KCNQ1: variants seen among roughly 807,000 people sequenced by gnomAD.
KCNQ1 encodes potassium voltage-gated channel subfamily KQT member 1.
KCNQ1 carries 49 observed loss-of-function variants against 72.4 expected under a neutral mutation model. That is an observed-to-expected ratio of 0.68 (90% CI 0.54 to 0.86). KCNQ1 has a LOEUF of 0.86. Among genes scored for constraint, KCNQ1 ranks in the 40% least tolerant of loss-of-function variants. KCNQ1 has a pLI of 0.00. For synonymous variants in KCNQ1, 450 were observed against 412.6 expected (o/e 1.09, Z -1.10); for missense variants, 790 against 945.1 (o/e 0.84, Z 2.15).
intron 6 of KCNQ1, among the ~76,000 whole-genome samples, chr11:2,581,509 C>A (rs1019165511): frequency 6.6e-6 from 1 of 152,236 alleles, no homozygotes; most frequent in African/African-American, 2.4e-5. Context: ...CCAGGGCCCC[C>A]CTCTCTGCCA....
chr11:2,835,606 C>G (rs1176566781), intron 15 of KCNQ1, among the ~76,000 whole-genome samples: 3 of 152,232 alleles, frequency 2.0e-5, no homozygotes, highest in African/African-American at 7.2e-5. Context: ...AGCTGACCCC[C>G]TGCCGTGGCA....
chr11:2,666,832 G>A lies in KCNQ1; in HGVS notation c.1514+4751G>A, dbSNP rs1389207502. The A allele has an allele frequency of 1.5e-4, 59 of 398,714 alleles. No individual in the cohort carries two copies. The East Asian group carries it at 2.1e-3, about 14-fold the overall frequency. 24.7% of individuals were successfully genotyped at this position (398,714 alleles called of 1,614,324 possible). The stretch of plus-strand genomic sequence containing the variant: ...GGAAAGGACAGAAAGGACATTCTGG[G>A]AACCAGTGTCCAGAAGGATGAGTGA... On this transcript the variant is annotated intron_variant, in intron 11 of 15. Coordinates refer to ENST00000155840, the MANE Select transcript of KCNQ1 (RefSeq NM_000218.3).
At position 2,661,154 on chromosome 11, in the gene KCNQ1, G is replaced by A; in HGVS notation, c.1394-807G>A. ...GAGAGGGTGGGCTAGGGATCTAGTT[G>A]GCAGTTAACACTGATGACCTTGGGG... On this transcript the variant is annotated intron_variant, in intron 10 of 15. Coordinates refer to ENST00000155840, the MANE Select transcript of KCNQ1 (RefSeq NM_000218.3). This position sits in a 1 kb window ranked among gnomAD's most constrained non-coding sequence, Gnocchi z 5.9. 1 of 398,548 alleles carries A rather than the reference G, an allele frequency of 2.5e-6. No homozygotes were observed. The allele number at this position is 398,548 out of a possible 1,614,324, so 24.7% of individuals were successfully genotyped here.
In KCNQ1 at chr11:2,608,090, T is replaced by C. The variant is rs752643513; in HGVS notation, c.1393+19236T>C. 4.3e-4 allele frequency among the ~76,000 whole-genome samples: 66 copies of C among 152,230 alleles called. No individual in the cohort carries two copies. Among genetic ancestry groups the C allele is most frequent in the Non-Finnish European group, 7.3e-4 (50 of 68,032 alleles). ...ATAAATTTTATAAGTTCTCTTTTCATGTTTTTGTCTGGTTTTGGTGTCAGG... is the reference window on the plus strand; with the variant it reads ...ATAAATTTTATAAGTTCTCTTTTCACGTTTTTGTCTGGTTTTGGTGTCAGG... On this transcript the variant is annotated intron_variant, in intron 10 of 15. Coordinates refer to ENST00000155840, the MANE Select transcript of KCNQ1 (RefSeq NM_000218.3). This position sits in a 1 kb window ranked among gnomAD's most constrained non-coding sequence, Gnocchi z 4.6.
At chr11:2,721,614 C>T (rs538301074) in intron 11 of KCNQ1, among the ~76,000 whole-genome samples, 3 of 152,268 alleles carry the variant, frequency 2.0e-5, no homozygotes, top group East Asian at 1.9e-4. Context: ...GGAGGCCTCG[C>T]GTAGAGTTGG....
chr11:2,680,083 G>A, intron 11 of KCNQ1: 1 of 395,788 alleles, frequency 2.5e-6, no homozygotes, highest in Non-Finnish European at 4.4e-6. Flanking sequence ...TTAGAGACAG[G>A]GTTTCACCAT....
In KCNQ1 at chr11:2,682,075, G is replaced by A; in HGVS notation, c.1514+19994G>A. ...AATCTCCTAAGGGTTGAGGGATTGA[G>A]TCTAGGGCCCAGGGTCACAAAGCTA... On this transcript the variant is annotated intron_variant, in intron 11 of 15. Transcript: ENST00000155840. The surrounding 1 kb of genome is among the most constrained non-coding windows in gnomAD (Gnocchi z 5.8). 1 of 398,634 alleles carries A rather than the reference G, an allele frequency of 2.5e-6. No homozygotes were observed. The highest frequency in any genetic ancestry group is 4.4e-6 in the Non-Finnish European group (1 of 226,088). The allele number at this position is 398,634 out of a possible 1,614,324, so 24.7% of individuals were successfully genotyped here. A position where few individuals can be genotyped will look rare whatever the true frequency, so the allele number is the denominator to read the frequency against.
At chr11:2,841,440 G>A (rs1381028738) in intron 15 of KCNQ1, among the ~76,000 whole-genome samples, 1 of 152,172 alleles carries the variant, frequency 6.6e-6, no homozygotes, top group Non-Finnish European at 1.5e-5. Flanking sequence ...TGACAGTCCA[G>A]GCAGAAGATG....
At chr11:2,485,845 C>T (rs1306001712) in intron 1 of KCNQ1, among the ~76,000 whole-genome samples, 1 of 152,216 alleles carries the variant, frequency 6.6e-6, no homozygotes, top group African/African-American at 2.4e-5. Flanking sequence ...TGAAAGTTCA[C>T]TCATGCTGTA....
At chr11:2,500,906 G>C (rs1243707871) in intron 1 of KCNQ1, among the ~76,000 whole-genome samples, 2 of 152,040 alleles carry the variant, frequency 1.3e-5, no homozygotes, top group African/African-American at 4.8e-5. Context: ...AGGGAATTAG[G>C]AGAAATACCT....
intron 11 of KCNQ1, among the ~76,000 whole-genome samples, chr11:2,742,250 A>G (rs1411740316): frequency 1.3e-5 from 2 of 152,258 alleles, no homozygotes; most frequent in Non-Finnish European, 2.9e-5. Context: ...GGTGCTGGCC[A>G]GAATCAGCCT....
At chr11:2,780,728 A>C (rs1038171938) in intron 15 of KCNQ1, among the ~76,000 whole-genome samples, 6 of 152,204 alleles carry the variant, frequency 3.9e-5, no homozygotes, top group Middle Eastern at 3.2e-3. Flanking sequence ...TCACCAGTGC[A>C]GGCCAGCTGA....
intron 1 of KCNQ1, among the ~76,000 whole-genome samples, chr11:2,445,710 G>C (rs1274956580): frequency 6.6e-6 from 1 of 152,226 alleles, no homozygotes; most frequent in African/African-American, 2.4e-5. Flanking sequence ...CGTGGGGAGG[G>C]AGCCGGCTGG....
rs565398671 is a variant in KCNQ1, at chr11:2,832,403, C to T, written c.1795-15364C>T. Among the ~76,000 whole-genome samples, 52 of 152,222 alleles carry T rather than the reference C, an allele frequency of 3.4e-4. No individual in the cohort carries two copies. The East Asian group carries it at 9.3e-3, about 27-fold the overall frequency. The stretch of plus-strand genomic sequence containing the variant: ...CTGTGTCCCCTCCTGGGAGTGGGGC[C>T]GTCAGAGCTCCGACCGCACAGGGTC... On this transcript the variant is annotated intron_variant, in intron 15 of 15. Coordinates refer to ENST00000155840, the MANE Select transcript of KCNQ1 (RefSeq NM_000218.3).
intron 15 of KCNQ1, among the ~76,000 whole-genome samples, chr11:2,799,511 T>C (rs558870545): frequency 1.4e-4 from 21 of 151,836 alleles, no homozygotes; most frequent in African/African-American, 4.8e-4. Flanking sequence ...ATGTGGTGTG[T>C]CTTCTACGTG....
intron 6 of KCNQ1, among the ~76,000 whole-genome samples, chr11:2,577,254 C>G (rs879831445): frequency 6.6e-6 from 1 of 152,178 alleles, no homozygotes; most frequent in Non-Finnish European, 1.5e-5. Context: ...CAGTCAGGAG[C>G]GAGAAGCATG....
Position 2,451,712 on chromosome 11 carries a change from A to G in KCNQ1, c.386+6228A>G, listed in dbSNP as rs556436646. On this transcript the variant is annotated intron_variant, in intron 1 of 15. Transcript: ENST00000155840. The surrounding 1 kb of genome is among the most constrained non-coding windows in gnomAD (Gnocchi z 6.4). ...GCCGGGCTGGGGAGCTGACTCCAGG[A>G]CAGGCCCCTGCCCGCTCTGGGACCT... 6.6e-6 allele frequency among the ~76,000 whole-genome samples: 1 copy of G among 152,290 alleles called. No individual in the cohort carries two copies. Among genetic ancestry groups the G allele is most frequent in the South Asian group, 2.1e-4 (1 of 4,826 alleles).
At chr11:2,721,126 T>G (rs1252957704) in intron 11 of KCNQ1, among the ~76,000 whole-genome samples, 1 of 152,100 alleles carries the variant, frequency 6.6e-6, no homozygotes, top group African/African-American at 2.4e-5. Context: ...GTCTCATGTT[T>G]TCCATTCTGG....
Position 2,488,567 on chromosome 11 carries a change from G to A in KCNQ1, c.387-39361G>A, listed in dbSNP as rs1430918704. Among the ~76,000 whole-genome samples, 1 of 152,088 alleles carries A rather than the reference G, an allele frequency of 6.6e-6. No homozygotes were observed. The highest frequency in any genetic ancestry group is 1.5e-5 in the Non-Finnish European group (1 of 67,992). Reference sequence around the variant, plus strand: ...CCATGAAGATTTTGTATTTCTTTGTGATTTAGTTTTGGTAGGTTTCGTGTT... The same window carrying A: ...CCATGAAGATTTTGTATTTCTTTGTAATTTAGTTTTGGTAGGTTTCGTGTT... On this transcript the variant is annotated intron_variant, in intron 1 of 15. Transcript: ENST00000155840. This position sits in a 1 kb window ranked among gnomAD's most constrained non-coding sequence, Gnocchi z 5.1.
Sources: gnomAD v4.1 joint callset for allele counts (sites outside exome capture counted in the v4.1 genomes callset) on GRCh38, gnomAD v4.1.1 for gene constraint, Gnocchi (gnomAD v3.1) non-coding constraint, MANE v1.5 for transcripts, NCBI Gene and HGNC (gene_info 2026-07-23, HGNC 2026-07-21) for gene names.